COL7A1: variants seen among roughly 807,000 people sequenced by gnomAD.
COL7A1 encodes the protein collagen type VII alpha 1 chain, also known as collagen alpha-1(VII) chain.
In COL7A1, 296 loss-of-function variants were observed where a neutral mutation model predicts 456.2. That is an observed-to-expected ratio of 0.65 (90% CI 0.59 to 0.71). The LOEUF is 0.71. COL7A1 is among the 30% of genes least tolerant of loss of function. The probability of loss-of-function intolerance (pLI) is 0.00; values close to 1 mark genes in which losing one functional copy is unlikely to be tolerated. For synonymous variants in COL7A1, 1,464 were observed against 1,525.9 expected (o/e 0.96, Z 0.95); for missense variants, 3,441 against 4,017.2 (o/e 0.86, Z 3.88).
In COL7A1 at chr3:48,579,996, CAAT is replaced by C. The variant is rs535184283; in HGVS notation, c.5124+32_5124+34del. ...GTGGAGCCAAAGGGGCAAGTGAGAACAATGACAGAGGACCAGACCCAGCGCAGC... is the reference window on the plus strand; with the variant it reads ...GTGGAGCCAAAGGGGCAAGTGAGAACGACAGAGGACCAGACCCAGCGCAGC... On this transcript the variant is annotated intron_variant, in intron 57 of 118. Transcript: ENST00000681320. This position sits in a 1 kb window ranked among gnomAD's most constrained non-coding sequence, Gnocchi z 4.4. The C allele has an allele frequency of 6.6e-5, 107 of 1,613,980 alleles. No homozygotes were observed. The African/African-American group carries it at 1.2e-3, about 18-fold the overall frequency.
Position 48,572,967 on chromosome 3 carries a change from G to A in COL7A1, c.6751-25C>T, listed in dbSNP as rs765497427. 3 of 1,614,044 alleles carry A rather than the reference G, an allele frequency of 1.9e-6. No homozygotes were observed. The South Asian group carries it at 3.3e-5, about 18-fold the overall frequency. On this transcript the variant is annotated intron_variant, in intron 86 of 118. Transcript: ENST00000681320. The surrounding 1 kb of genome is among the most constrained non-coding windows in gnomAD (Gnocchi z 4.6). ...CCTGAGAGGGAAGAGCTCTGTCAGG[G>A]CTGCCTGTCGACCCTTGACCCCTGG...
At position 48,583,064 on chromosome 3, in the gene COL7A1, A is replaced by AG. The variant is rs771985723; in HGVS notation, c.4483-17dup. On this transcript the variant is annotated splice_polypyrimidine_tract_variant and intron_variant, in intron 43 of 118. Transcript: ENST00000681320. This position sits in a 1 kb window ranked among gnomAD's most constrained non-coding sequence, Gnocchi z 5.1. ...CACGTTCGCCCTGATGGAAAAGAAGAGGTCAGAGCTGAGTTGGGCCCAGAT... is the reference window on the plus strand; with the variant it reads ...CACGTTCGCCCTGATGGAAAAGAAGAGGGTCAGAGCTGAGTTGGGCCCAGAT... 7 of 1,613,910 alleles carry AG rather than the reference A, an allele frequency of 4.3e-6. No homozygotes were observed. The Admixed American group carries it at 1.2e-4, about 27-fold the overall frequency.
In COL7A1 at chr3:48,594,286, G is replaced by A. The variant is rs1268772091; in HGVS notation, c.266+82C>T. ...TTGTTTCTGCAAAGACCTGGCCTGG[G>A]GTTTCCAGGGTCTCCTCCCTCTCTG... is the stretch of plus-strand genomic sequence containing the variant. On this transcript the variant is annotated intron_variant, in intron 3 of 118. Transcript: ENST00000681320. This position sits in a 1 kb window ranked among gnomAD's most constrained non-coding sequence, Gnocchi z 5.5. The A allele has an allele frequency of 3.3e-6, 5 of 1,531,950 alleles. No homozygotes were observed. Among genetic ancestry groups the A allele is most frequent in the Non-Finnish European group, 4.5e-6 (5 of 1,121,338 alleles). The allele number at this position is 1,531,950 out of a possible 1,614,324, so 94.9% of individuals were successfully genotyped here.
At chr3:48,582,688 G>GT in intron 44 of COL7A1, 35 bp from the exon 45 acceptor site, 1 of 1,611,202 alleles carries the variant, frequency 6.2e-7, no homozygotes. Context: ...GTGCAGGTGG[G>GT]TGGGGACGGG....
chr3:48,570,570 C>T lies in COL7A1; in HGVS notation c.7344+69G>A. ...CTCCCCCAACACCCCACAGTGTGGC[C>T]CGCCCCATCCTAAGTCCTCACGAGG... On this transcript the variant is annotated intron_variant, in intron 96 of 118. Transcript: ENST00000681320. This position sits in a 1 kb window ranked among gnomAD's most constrained non-coding sequence, Gnocchi z 5.5. 1.2e-6 allele frequency: 2 copies of T among 1,613,496 alleles called. No homozygotes were observed. The highest frequency in any genetic ancestry group is 2.2e-5 in the East Asian group (1 of 44,872).
chr3:48,589,546 C>T (rs2045543594), intron 17 of COL7A1, 53 bp downstream of exon 17: 1 of 1,608,918 alleles, frequency 6.2e-7, no homozygotes, highest in Non-Finnish European at 8.5e-7. Context: ...CCCCAATAAA[C>T]CCCCAGCCCC....
Position 48,586,633 on chromosome 3 carries a change from G to T in COL7A1, c.3333C>A (p.Ser1111=). ...RPSPLFPLNG[S]HDLGIILQRI... is the part of the protein sequence containing the mutation. Reference sequence around the variant, plus strand: ...TTTGCAAGATAATGCCAAGGTCATGGGAGCCATTCAGTGGGAACAGTGGGG... The same window carrying T: ...TTTGCAAGATAATGCCAAGGTCATGTGAGCCATTCAGTGGGAACAGTGGGG... The change falls in exon 26 of 119, where the codon TCC becomes TCA. Residue 1111 remains serine, a synonymous_variant. Transcript: ENST00000681320. The surrounding 1 kb of genome is among the most constrained non-coding windows in gnomAD (Gnocchi z 5.1). 1 of 1,613,626 alleles carries T rather than the reference G, an allele frequency of 6.2e-7. No individual in the cohort carries two copies. The highest frequency in any genetic ancestry group is 8.5e-7 in the Non-Finnish European group (1 of 1,179,990).
chr3:48,584,579 G>A, intron 35 of COL7A1, 23 bp from the exon 36 acceptor site: 1 of 1,613,990 alleles, frequency 6.2e-7, no homozygotes, highest in Non-Finnish European at 8.5e-7. Flanking sequence ...AGAGCAGTGG[G>A]CAGGATTCAG....
In COL7A1 at chr3:48,575,522, A is replaced by G. The variant is rs2044237096; in HGVS notation, c.5997T>C (p.Pro1999=). Residue 1999 remains proline (P), a synonymous_variant, in exon 74 of 119, where the codon CCT becomes CCC. Transcript: ENST00000681320. The surrounding 1 kb of genome is among the most constrained non-coding windows in gnomAD (Gnocchi z 6.3). ...PPGKEGPIGF[P]GERGLKGDRG... Reference sequence around the variant, plus strand: ...GGTCGCCCTTCAGCCCGCGTTCTCCAGGAAAGCCGATGGGGCCCTGCAGGA... The same window carrying G: ...GGTCGCCCTTCAGCCCGCGTTCTCCGGGAAAGCCGATGGGGCCCTGCAGGA... The G allele has an allele frequency of 1.2e-6, 2 of 1,612,812 alleles. No homozygotes were observed. Among genetic ancestry groups the G allele is most frequent in the Non-Finnish European group, 1.7e-6 (2 of 1,179,962 alleles).
chr3:48,576,994 T>G lies in COL7A1; in HGVS notation c.5566A>C (p.Lys1856Gln). The change falls in exon 66 of 119, where the codon AAG (lysine) becomes CAG (glutamine). Residue 1856 changes from lysine (K) to glutamine (Q), a missense_variant and splice_region_variant. By Grantham distance (53) the Lys-to-Gln change is moderately conservative. This residue lies in a region of COL7A1 where 2,084 missense variants were observed against 2,501.3 expected (regional missense o/e 0.83). Transcript: ENST00000681320. ...EPGDPGEDGRKGEKGDSGASG... is the reference protein window; with the variant it reads ...EPGDPGEDGRQGEKGDSGASG... Reference sequence around the variant, plus strand: ...AGACCCCAGGTGGGGGACTTTACCTTCCTCCCGTCTTCTCCAGGGTCCCCA... The same window carrying G: ...AGACCCCAGGTGGGGGACTTTACCTGCCTCCCGTCTTCTCCAGGGTCCCCA... 1 of 1,613,918 alleles carries G rather than the reference T, an allele frequency of 6.2e-7. No homozygotes were observed. Among genetic ancestry groups the G allele is most frequent in the Non-Finnish European group, 8.5e-7 (1 of 1,180,012 alleles).
rs868609364 is a variant in COL7A1 at position 48,568,788 on chromosome 3, G to T, written c.7754C>A (p.Pro2585His). 3 of 1,567,742 alleles carry T rather than the reference G, an allele frequency of 1.9e-6. No homozygotes were observed. Among genetic ancestry groups the T allele is most frequent in the Non-Finnish European group, 2.6e-6 (3 of 1,155,326 alleles). ...TGGGCCTGGGGCAGAACTTGCCTGG[G>T]GTCCCAGGAGTCCACGCAGTCCTGG... The part of the protein sequence containing the change: ...GLPGLRGLLG[P>H]QGQPGAAGIP... Residue 2585 changes from proline (P) to histidine (H), a missense_variant, in exon 104 of 119, where the codon CCC becomes CAC. Transcript: ENST00000681320. This position sits in a 1 kb window ranked among gnomAD's most constrained non-coding sequence, Gnocchi z 5.2.
At position 48,568,920 on chromosome 3, in the gene COL7A1, C is replaced by G; in HGVS notation, c.7687-65G>C. On this transcript the variant is annotated intron_variant, in intron 103 of 118. Transcript: ENST00000681320. This position sits in a 1 kb window ranked among gnomAD's most constrained non-coding sequence, Gnocchi z 5.2. Reference sequence around the variant, plus strand: ...ATCAGGCTGGGGGCTTAGAATACAACGAGCCCGCCAGCTGGGGCAGAGCTC... The same window carrying G: ...ATCAGGCTGGGGGCTTAGAATACAAGGAGCCCGCCAGCTGGGGCAGAGCTC... 2 of 1,478,144 alleles carry G rather than the reference C, an allele frequency of 1.4e-6. No individual in the cohort carries two copies. Among genetic ancestry groups the G allele is most frequent in the Admixed American group, 2.0e-5 (1 of 50,940 alleles). 91.6% of individuals were successfully genotyped at this position (1,478,144 alleles called of 1,614,324 possible).
chr3:48,579,643 T>C lies in COL7A1; in HGVS notation c.5180A>G (p.Glu1727Gly). 8 of 1,613,448 alleles carry C rather than the reference T, an allele frequency of 5.0e-6. No individual in the cohort carries two copies. The highest frequency in any genetic ancestry group is 6.8e-6 in the Non-Finnish European group (8 of 1,179,932). Residue 1727 changes from glutamate (E) to glycine (G), a missense_variant, in exon 59 of 119, where the codon GAG (glutamate) becomes GGG (glycine). Around this residue, in one of 3 missense-constraint regions of COL7A1, gnomAD observed 2,084 missense variants for 2,501.3 expected, o/e 0.83. Transcript: ENST00000681320. The surrounding 1 kb of genome is among the most constrained non-coding windows in gnomAD (Gnocchi z 4.4). The part of the protein sequence containing the change: ...EKGEPGDRGQ[E>G]GPRGPKGDPG... ...ATCACCCTTGGGCCCTCGAGGACCC[T>C]CTTGTCCGCGGTCCCCAGGCTCTCC...
At position 48,574,620 on chromosome 3, in the gene COL7A1, T is replaced by C. The variant is rs1314707306; in HGVS notation, c.6393+57A>G. 6.2e-7 allele frequency: 1 copy of C among 1,612,824 alleles called. No homozygotes were observed. The highest frequency in any genetic ancestry group is 8.5e-7 in the Non-Finnish European group (1 of 1,179,188). On this transcript the variant is annotated intron_variant, in intron 78 of 118. Transcript: ENST00000681320. This position sits in a 1 kb window ranked among gnomAD's most constrained non-coding sequence, Gnocchi z 5.0. Reference sequence around the variant, plus strand: ...TGCCCAGGTGCATATGCACACCACCTCTAGTGTGCCCCCAGAAAGGAGGGG... The same window carrying C: ...TGCCCAGGTGCATATGCACACCACCCCTAGTGTGCCCCCAGAAAGGAGGGG...
chr3:48,591,686 G>A lies in COL7A1; in HGVS notation c.1494C>T (p.Thr498=), dbSNP rs776229982. ...LEGHEVATPA[T]VVPTGPELPV... Reference sequence around the variant, plus strand: ...CAGAGCCCTCACCAGTGGGAACCACGGTTGCAGGGGTGGCCACCTCGTGGC... The same window carrying A: ...CAGAGCCCTCACCAGTGGGAACCACAGTTGCAGGGGTGGCCACCTCGTGGC... The change falls in exon 12 of 119, where the codon ACC becomes ACT. Residue 498 remains threonine, a synonymous_variant. Transcript: ENST00000681320. The surrounding 1 kb of genome is among the most constrained non-coding windows in gnomAD (Gnocchi z 7.0). 43 of 1,613,990 alleles carry A rather than the reference G, an allele frequency of 2.7e-5. No individual in the cohort carries two copies. Among genetic ancestry groups the A allele is most frequent in the South Asian group, 7.7e-5 (7 of 91,094 alleles).
At chr3:48,584,198 A>G (rs2045029828) in intron 37 of COL7A1, 100 bp downstream of exon 37, 1 of 1,550,854 alleles carries the variant, frequency 6.4e-7, no homozygotes, top group South Asian at 1.1e-5. Flanking sequence ...GGATGGGGGT[A>G]ATCAAAGGGT....
rs1469727897 is a variant in COL7A1 at position 48,569,850 on chromosome 3, C to T, written c.7521+30G>A. On this transcript the variant is annotated intron_variant, in intron 100 of 118. Transcript: ENST00000681320. This position sits in a 1 kb window ranked among gnomAD's most constrained non-coding sequence, Gnocchi z 4.9. ...CATACAAGATCCACTCACCCCCCCA[C>T]TCATGCCAGGACCTTCCCCACGTTC... 6.2e-7 allele frequency: 1 copy of T among 1,614,072 alleles called. No individual in the cohort carries two copies.
At position 48,593,652 on chromosome 3, in the gene COL7A1, A is replaced by C; in HGVS notation, c.311T>G (p.Ile104Ser). Residue 104 changes from isoleucine to serine, a missense_variant, in exon 4 of 119, where the codon ATC becomes AGC. By Grantham distance (142) the Ile-to-Ser change is moderately radical. This residue lies in a region of COL7A1 where 913 missense variants were observed against 1,088.2 expected (regional missense o/e 0.84). Transcript: ENST00000681320. This position sits in a 1 kb window ranked among gnomAD's most constrained non-coding sequence, Gnocchi z 4.4. ...GTAGCTAAGCTCACGGATGGCGCGG[A>C]TCACATCACCCCCAGAGCCAAGTGC... is the stretch of plus-strand genomic sequence containing the variant. ...LDALGSGGDV[I>S]RAIRELSYKG... 6.2e-7 allele frequency: 1 copy of C among 1,614,164 alleles called. No homozygotes were observed. The highest frequency in any genetic ancestry group is 8.5e-7 in the Non-Finnish European group (1 of 1,180,022).
chr3:48,571,365 T>A lies in COL7A1; in HGVS notation c.7069-87A>T. ...GGGCTGAAAATATTCCCAGGGGAGT[T>A]CTGATGTGACCATGAACACATGGGA... On this transcript the variant is annotated intron_variant, in intron 92 of 118. Coordinates refer to ENST00000681320, the MANE Select transcript of COL7A1 (RefSeq NM_000094.4). This position sits in a 1 kb window ranked among gnomAD's most constrained non-coding sequence, Gnocchi z 4.6. 1 of 1,536,226 alleles carries A rather than the reference T, an allele frequency of 6.5e-7. No homozygotes were observed. Among genetic ancestry groups the A allele is most frequent in the Non-Finnish European group, 9.0e-7 (1 of 1,113,884 alleles).
Sources: gnomAD v4.1 joint callset for allele counts on GRCh38, gnomAD v4.1.1 for gene constraint, gnomAD v4.1.1 regional missense constraint, Gnocchi (gnomAD v3.1) non-coding constraint, MANE v1.5 for transcripts, NCBI Gene and HGNC (gene_info 2026-07-23, HGNC 2026-07-21) for gene names.